B3GNT3: variants seen among roughly 807,000 people sequenced by gnomAD.
B3GNT3 encodes N-acetyllactosaminide beta-1,3-N-acetylglucosaminyltransferase 3.
B3GNT3 carries 7 observed loss-of-function variants against 11.6 expected under a neutral mutation model. The observed-to-expected ratio is 0.60, with a 90% CI of 0.34 to 1.13. The LOEUF is 1.13. Ranked by LOEUF, B3GNT3 falls within the 50% of genes most tolerant of loss-of-function variation. The probability of loss-of-function intolerance (pLI) is 0.03; values close to 1 mark genes in which losing one functional copy is unlikely to be tolerated. For synonymous variants in B3GNT3, 201 were observed against 222.1 expected, an observed-to-expected ratio of 0.90 and a Z score of 0.85; for missense variants, 400 against 507.4, an observed-to-expected ratio of 0.79 and a Z score of 2.03.
chr19:17,796,175 C>T (rs1048519857), intron 1 of B3GNT3, among the ~76,000 whole-genome samples: 7 of 152,154 alleles, frequency 4.6e-5, no homozygotes, highest in African/African-American at 1.7e-4. Flanking sequence ...ACTGCAGCCT[C>T]AACCTCCTGG....
At chr19:17,809,972 G>C (rs918763111) in intron 2 of B3GNT3, among the ~76,000 whole-genome samples, 1 of 152,040 alleles carries the variant, frequency 6.6e-6, no homozygotes, top group Non-Finnish European at 1.5e-5. Context: ...GTTTCTCTGC[G>C]GGTGACCTCA....
rs60752281 is a variant in B3GNT3, at chr19:17,805,106, A to ATTTTTT, written c.-50-2640_-50-2635dup. Among the ~76,000 whole-genome samples the ATTTTTT allele has an allele frequency of 1.3e-4, 17 of 132,066 alleles. 1 individual carries two copies. Among genetic ancestry groups the ATTTTTT allele is most frequent in the African/African-American group, 4.2e-4 (15 of 35,392 alleles). 86.6% of individuals were successfully genotyped at this position (132,066 alleles called of 152,430 possible). A position where few individuals can be genotyped will look rare whatever the true frequency, so the allele number is the denominator to read the frequency against. ...CCCTAATCCCTTAGTGACCACAGGG[A>ATTTTTT]TTTTTTTTTTTTTTTTTAATGACAG... On this transcript the variant is annotated intron_variant, in intron 1 of 2. Coordinates refer to ENST00000318683, the MANE Select transcript of B3GNT3 (RefSeq NM_014256.4).
At chr19:17,807,696 TGG>T in intron 1 of B3GNT3, 60 bp from the exon 2 acceptor site, 1 of 1,060,306 alleles carries the variant, frequency 9.4e-7, no homozygotes, top group Non-Finnish European at 1.3e-6. Context: ...AACCAGATGT[TGG>T]GGGCCACAGG....
chr19:17,810,948 C>A (rs1835623698), intron 2 of B3GNT3, among the ~76,000 whole-genome samples: 1 of 150,726 alleles, frequency 6.6e-6, no homozygotes, highest in Non-Finnish European at 1.5e-5. Flanking sequence ...TGGCTCATTG[C>A]TTGTAATGTC....
At chr19:17,801,977 A>G (rs1338535038) in intron 1 of B3GNT3, among the ~76,000 whole-genome samples, 1 of 151,998 alleles carries the variant, frequency 6.6e-6, no homozygotes, top group African/African-American at 2.4e-5. Flanking sequence ...AGTCCCAGCT[A>G]TTCAGGAGGC....
At position 17,812,605 on chromosome 19, in the gene B3GNT3, T is replaced by C. The variant is rs17683395; in HGVS notation, c.*483T>C. 2,919 of 159,032 alleles carry C rather than the reference T, an allele frequency of 0.018. 29 individuals are homozygous for C. The highest frequency in any genetic ancestry group is 0.03 in the Middle Eastern group (9 of 300). 9.9% of individuals were successfully genotyped at this position (159,032 alleles called of 1,614,324 possible). On this transcript the variant is annotated 3_prime_UTR_variant, in exon 3 of 3. Coordinates refer to ENST00000318683, the MANE Select transcript of B3GNT3 (RefSeq NM_014256.4). ...TCAGCCCAGGAGAGAGGGGTCCTGA[T>C]CTTAACCCTTTCCTGGGTCTCAGAC... is the stretch of plus-strand genomic sequence containing the variant.
At chr19:17,801,612 T>A (rs1249746268) in intron 1 of B3GNT3, among the ~76,000 whole-genome samples, 1 of 152,060 alleles carries the variant, frequency 6.6e-6, no homozygotes, top group African/African-American at 2.4e-5. Context: ...GCTTCCCAAG[T>A]AGCTGGGACT....
intron 1 of B3GNT3, among the ~76,000 whole-genome samples, chr19:17,804,243 T>C (rs1476945724): frequency 6.8e-6 from 1 of 146,380 alleles, no homozygotes; most frequent in Non-Finnish European, 1.5e-5. Flanking sequence ...TTTTTTTCTT[T>C]TTTTTTTTTT....
chr19:17,812,442 T>G lies in B3GNT3; in HGVS notation c.*320T>G. On this transcript the variant is annotated 3_prime_UTR_variant, in exon 3 of 3. Coordinates refer to ENST00000318683, the MANE Select transcript of B3GNT3 (RefSeq NM_014256.4). ...CGTCCCGTTTGAGTCAAAGTCTTACTTCCCTGCTCTCACCTACTCACAGAC... is the reference window on the plus strand; with the variant it reads ...CGTCCCGTTTGAGTCAAAGTCTTACGTCCCTGCTCTCACCTACTCACAGAC... 1.3e-5 allele frequency: 4 copies of G among 302,778 alleles called. No homozygotes were observed. The highest frequency in any genetic ancestry group is 2.5e-5 in the Non-Finnish European group (4 of 161,156). 18.8% of individuals were successfully genotyped at this position (302,778 alleles called of 1,614,324 possible).
Position 17,811,970 on chromosome 19 carries a change from C to A in B3GNT3, c.967C>A (p.Arg323=), listed in dbSNP as rs560672467. Reference sequence around the variant, plus strand: ...CAGCGGCATCCGCACGTCTGGCGTGCGGGCTCCATCGCAACGCCTGTCCTC... The same window carrying A: ...CAGCGGCATCCGCACGTCTGGCGTGAGGGCTCCATCGCAACGCCTGTCCTC... ...SHSGIRTSGV[R]APSQRLSSFD... The change falls in exon 3 of 3, where the codon CGG becomes AGG. Residue 323 remains arginine (R), a synonymous_variant. Coordinates refer to ENST00000318683, the MANE Select transcript of B3GNT3 (RefSeq NM_014256.4). The surrounding 1 kb of genome is among the most constrained non-coding windows in gnomAD (Gnocchi z 4.1). 1 of 1,607,296 alleles carries A rather than the reference C, an allele frequency of 6.2e-7. No homozygotes were observed. The highest frequency in any genetic ancestry group is 1.3e-5 in the African/African-American group (1 of 75,054).
chr19:17,812,446 C>G lies in B3GNT3; in HGVS notation c.*324C>G, dbSNP rs540941121. ...CCGTTTGAGTCAAAGTCTTACTTCC[C>G]TGCTCTCACCTACTCACAGACGGGA... is the stretch of plus-strand genomic sequence containing the variant. On this transcript the variant is annotated 3_prime_UTR_variant, in exon 3 of 3. Transcript: ENST00000318683. 1.0e-5 allele frequency: 3 copies of G among 301,438 alleles called. No homozygotes were observed. Among genetic ancestry groups the G allele is most frequent in the African/African-American group, 6.5e-5 (3 of 46,328 alleles). 18.7% of individuals were successfully genotyped at this position (301,438 alleles called of 1,614,324 possible). A position where few individuals can be genotyped will look rare whatever the true frequency, so the allele number is the denominator to read the frequency against.
In B3GNT3 at chr19:17,807,798, G is replaced by GC. The variant is rs2094175083; in HGVS notation, c.-9dup. ...CTCCTCAGGCCGACCCCAGACCCTG[G>GC]CTGGCCAGGATGAAGTATCTCCGGC... On this transcript the variant is annotated 5_prime_UTR_variant, in exon 2 of 3. Coordinates refer to ENST00000318683, the MANE Select transcript of B3GNT3 (RefSeq NM_014256.4). 6.3e-7 allele frequency: 1 copy of GC among 1,599,686 alleles called. No individual in the cohort carries two copies. Among genetic ancestry groups the GC allele is most frequent in the East Asian group, 2.2e-5 (1 of 44,524 alleles).
In B3GNT3 at chr19:17,811,627, C is replaced by T. The variant is rs557248120; in HGVS notation, c.624C>T (p.Asn208=). Residue 208 remains asparagine, a synonymous_variant, in exon 3 of 3, where the codon AAC becomes AAT. Coordinates refer to ENST00000318683, the MANE Select transcript of B3GNT3 (RefSeq NM_014256.4). The surrounding 1 kb of genome is among the most constrained non-coding windows in gnomAD (Gnocchi z 4.1). ...GCGCCAACGCCAGCTTCGTGCTCAA[C>T]GGGGATGATGACGTCTTTGCACACA... ...TRCANASFVL[N]GDDDVFAHTD... 2.0e-5 allele frequency: 33 copies of T among 1,614,158 alleles called. No homozygotes were observed. The highest frequency in any genetic ancestry group is 8.0e-5 in the African/African-American group (6 of 75,052).
At chr19:17,801,287 G>A (rs1285278449) in intron 1 of B3GNT3, among the ~76,000 whole-genome samples, 2 of 151,624 alleles carry the variant, frequency 1.3e-5, no homozygotes, top group Admixed American at 1.3e-4. Context: ...TGACCTCCTG[G>A]GCTCAAGCGA....
intron 1 of B3GNT3, among the ~76,000 whole-genome samples, chr19:17,801,041 TA>T (rs1159947265): frequency 2.0e-5 from 3 of 151,938 alleles, no homozygotes; most frequent in Admixed American, 6.6e-5. Flanking sequence ...CTTGCAACTT[TA>T]AAAAAAATTC....
At chr19:17,804,533 CTTTTTTTTT>C (rs67513010) in intron 1 of B3GNT3, among the ~76,000 whole-genome samples, 2 of 57,016 alleles carry the variant, frequency 3.5e-5, no homozygotes, top group Non-Finnish European at 5.7e-5. Context: ...CCGTGCCCAG[CTTTTTTTTT>C]TTTTTTTTTT....
In B3GNT3 at chr19:17,811,688, C is replaced by T. The variant is rs1035395615; in HGVS notation, c.685C>T (p.Pro229Ser). 6.2e-7 allele frequency: 1 copy of T among 1,614,210 alleles called. No individual in the cohort carries two copies. Among genetic ancestry groups the T allele is most frequent in the East Asian group, 2.2e-5 (1 of 44,884 alleles). The stretch of plus-strand genomic sequence containing the variant: ...GGTCTTCTACCTGCAGGACCATGAC[C>T]CTGGCCGCCACCTCTTCGTGGGGCA... Reference protein sequence around the residue: ...NMVFYLQDHDPGRHLFVGQLI... With the variant: ...NMVFYLQDHDSGRHLFVGQLI... The change falls in exon 3 of 3, where the codon CCT becomes TCT. Residue 229 changes from proline to serine, a missense_variant. Physicochemically the swap from Pro to Ser is moderately conservative, Grantham distance 74 (BLOSUM62 -1). Coordinates refer to ENST00000318683, the MANE Select transcript of B3GNT3 (RefSeq NM_014256.4). The surrounding 1 kb of genome is among the most constrained non-coding windows in gnomAD (Gnocchi z 4.1).
At chr19:17,801,268 C>T (rs1206853082) in intron 1 of B3GNT3, among the ~76,000 whole-genome samples, 2 of 151,986 alleles carry the variant, frequency 1.3e-5, no homozygotes, top group Non-Finnish European at 2.9e-5. Context: ...TCATGGCTCA[C>T]TGCAGCCTTG....
At chr19:17,806,532 G>A (rs1226486071) in intron 1 of B3GNT3, among the ~76,000 whole-genome samples, 1 of 152,174 alleles carries the variant, frequency 6.6e-6, no homozygotes, top group Non-Finnish European at 1.5e-5. Flanking sequence ...CTCTTTGAGG[G>A]ATGTTTGGTG....
Sources: allele counts gnomAD v4.1 joint callset (sites outside exome capture counted in the v4.1 genomes callset), GRCh38; gene constraint gnomAD v4.1.1; non-coding constraint Gnocchi (gnomAD v3.1); transcripts MANE v1.5; gene names NCBI Gene and HGNC (gene_info 2026-07-23, HGNC 2026-07-21).